Variants in SEMA4D observed in about 807,000 individuals in gnomAD.
SEMA4D encodes semaphorin-4D.
SEMA4D carries 22 observed loss-of-function variants against 74.8 expected under a neutral mutation model. The ratio of observed to expected loss-of-function variants is 0.29; its 90% CI spans 0.21 to 0.42. The LOEUF is 0.42. Among genes scored for constraint, SEMA4D ranks in the 10% least tolerant of loss-of-function variants. SEMA4D has a pLI of 1.00. For synonymous variants in SEMA4D, 445 were observed against 463.7 expected (o/e 0.96, Z 0.52); for missense variants, 937 against 1,118.4 (o/e 0.84, Z 2.31).
chr9:89,436,785 C>G (rs1850518091), intron 2 of SEMA4D, among the ~76,000 whole-genome samples: 1 of 152,222 alleles, frequency 6.6e-6, no homozygotes, highest in South Asian at 2.1e-4. Flanking sequence ...CATTGTCCAC[C>G]CATGGAGCAG....
chr9:89,452,146 T>G (rs563195287), intron 2 of SEMA4D, among the ~76,000 whole-genome samples: 22 of 151,966 alleles, frequency 1.4e-4, no homozygotes, highest in Admixed American at 1.4e-3. Context: ...AGCTGGATGG[T>G]GCTAGTACCC....
downstream of SEMA4D, among the ~76,000 whole-genome samples, chr9:89,375,788 C>T (rs925241773): frequency 2.6e-5 from 4 of 152,192 alleles, no homozygotes; most frequent in African/African-American, 9.7e-5. Flanking sequence ...ATATCCCATC[C>T]GAGTATTTTC....
intron 1 of SEMA4D, among the ~76,000 whole-genome samples, chr9:89,474,187 T>C (rs1361692182): frequency 1.3e-5 from 2 of 152,170 alleles, no homozygotes; most frequent in Non-Finnish European, 2.9e-5. Context: ...TCCAAAGATG[T>C]CCAAATTCAA....
intron 1 of SEMA4D, among the ~76,000 whole-genome samples, chr9:89,459,366 A>G (rs887317733): frequency 2.0e-5 from 3 of 152,216 alleles, no homozygotes; most frequent in Non-Finnish European, 2.9e-5. Context: ...GATGTGGCTC[A>G]TTCATTCCGT....
At chr9:89,363,549 C>T in intron 17 of SEMA4D, 8 of 1,613,464 alleles carry the variant, frequency 5.0e-6, no homozygotes, top group Non-Finnish European at 6.8e-6. Context: ...GCAGGGTCCC[C>T]AGGTCAAAGC....
chr9:89,380,949 GAAAGAAA>G, intron 15 of SEMA4D, 99 bp downstream of exon 15: 1 of 1,372,268 alleles, frequency 7.3e-7, no homozygotes, highest in African/African-American at 1.4e-5. Flanking sequence ...TCCGAGTGGA[GAAAGAAA>G]AACAAAACAC....
chr9:89,369,823 T>A (rs538585551), intron 16 of SEMA4D, among the ~76,000 whole-genome samples: 1 of 152,292 alleles, frequency 6.6e-6, no homozygotes, highest in East Asian at 1.9e-4. Flanking sequence ...CGGGGCTGCA[T>A]CCCAATAAAC....
intron 12 of SEMA4D, 44 bp downstream of exon 12, chr9:89,387,341 CA>C: frequency 8.1e-6 from 12 of 1,489,442 alleles, no homozygotes; most frequent in Non-Finnish European, 1.1e-5. Flanking sequence ...CCAGAGGACA[CA>C]GATGTGCTGT....
At chr9:89,483,295 G>T (rs1824870909) in intron 1 of SEMA4D, among the ~76,000 whole-genome samples, 1 of 152,218 alleles carries the variant, frequency 6.6e-6, no homozygotes, top group African/African-American at 2.4e-5. Flanking sequence ...AGACAAGCTA[G>T]ATATCCAATT....
rs1207707032 is a variant in SEMA4D, at chr9:89,378,004, G to A, written c.*700C>T. On this transcript the variant is annotated 3_prime_UTR_variant, in exon 16 of 16. Coordinates refer to ENST00000422704, the MANE Select transcript of SEMA4D (RefSeq NM_001371194.2). ...AAAGAAAAAGAAAAAAGGTGAGTGG[G>A]CTCCGGGGAGTGTTTATGTCTACAT... is the stretch of plus-strand genomic sequence containing the variant. The A allele has an allele frequency of 6.6e-6, 1 of 152,374 alleles. No homozygotes were observed. Among genetic ancestry groups the A allele is most frequent in the East Asian group, 1.9e-4 (1 of 5,202 alleles). The allele number at this position is 152,374 out of a possible 1,614,324, so 9.4% of individuals were successfully genotyped here. A position where few individuals can be genotyped will look rare whatever the true frequency, so the allele number is the denominator to read the frequency against.
chr9:89,371,192 T>G (rs1167067135), intron 16 of SEMA4D, among the ~76,000 whole-genome samples: 1 of 86,018 alleles, frequency 1.2e-5, no homozygotes, highest in African/African-American at 4.8e-5. Flanking sequence ...GGGGGTGTGG[T>G]GTGTATCTGG....
intron 2 of SEMA4D, among the ~76,000 whole-genome samples, chr9:89,452,427 C>G (rs1854814467): frequency 6.6e-6 from 1 of 151,980 alleles, no homozygotes; most frequent in African/African-American, 2.4e-5. Context: ...ATCCGCCAGC[C>G]CCGGCCTCCC....
chr9:89,380,991 A>T (rs1320458081), intron 15 of SEMA4D, 64 bp downstream of exon 15: 9 of 1,575,992 alleles, frequency 5.7e-6, no homozygotes, highest in Non-Finnish European at 7.9e-6. Context: ...GAACTGAAGC[A>T]CCGTGAAATG....
chr9:89,371,726 GTC>G (rs1428839205), intron 16 of SEMA4D, among the ~76,000 whole-genome samples: 3 of 102,094 alleles, frequency 2.9e-5, no homozygotes, highest in African/African-American at 4.2e-5. Flanking sequence ...TGTGGTGTGT[GTC>G]TGGGGTGTGG....
chr9:89,375,539 C>G (rs1835671288), downstream of SEMA4D, among the ~76,000 whole-genome samples: 1 of 152,228 alleles, frequency 6.6e-6, no homozygotes, highest in Admixed American at 6.5e-5. Flanking sequence ...TTAAAACTCT[C>G]AGGAGCTACT....
chr9:89,439,975 C>T (rs982785923), intron 2 of SEMA4D, among the ~76,000 whole-genome samples: 7 of 152,232 alleles, frequency 4.6e-5, no homozygotes, highest in African/African-American at 1.7e-4. Flanking sequence ...CCTCAATCAC[C>T]CTCACCACAG....
At chr9:89,406,795 T>C (rs78057410) in intron 2 of SEMA4D, among the ~76,000 whole-genome samples, 1 of 152,218 alleles carries the variant, frequency 6.6e-6, no homozygotes, top group African/African-American at 2.4e-5. Flanking sequence ...CTCCAGACTC[T>C]AGAACCCCAC....
intron 2 of SEMA4D, among the ~76,000 whole-genome samples, chr9:89,412,604 T>C (rs1160214960): frequency 1.3e-5 from 2 of 152,202 alleles, no homozygotes; most frequent in African/African-American, 4.8e-5. Context: ...AGAACAATGA[T>C]TGACCACCAG....
downstream of SEMA4D, among the ~76,000 whole-genome samples, chr9:89,373,232 C>T (rs923941536): frequency 1.1e-4 from 16 of 152,206 alleles, no homozygotes; most frequent in African/African-American, 3.9e-4. Flanking sequence ...TGTGCCCTGG[C>T]AGCCTCTGCA....
Sources: gnomAD v4.1 joint callset for allele counts (sites outside exome capture counted in the v4.1 genomes callset) on GRCh38, gnomAD v4.1.1 for gene constraint, MANE v1.5 for transcripts, NCBI Gene and HGNC (gene_info 2026-07-23, HGNC 2026-07-21) for gene names.